The following WDR17 variants were observed in gnomAD, a reference collection of about 807,000 sequenced individuals.
WDR17 encodes the protein WD repeat-containing protein 17.
A neutral mutation model predicts 161.7 loss-of-function variants in WDR17; 143 were observed. The ratio of observed to expected loss-of-function variants is 0.88; its 90% CI spans 0.77 to 1.02. The LOEUF (loss-of-function observed/expected upper bound fraction) is 1.02. Among genes scored for constraint, WDR17 ranks in the 50% least tolerant of loss-of-function variants. The probability of loss-of-function intolerance (pLI) is 0.00; values close to 1 mark genes in which losing one functional copy is unlikely to be tolerated. For synonymous variants in WDR17, 517 were observed against 515.6 expected, an observed-to-expected ratio of 1.00 and a Z score of -0.04; for missense variants, 1,469 against 1,520.9, an observed-to-expected ratio of 0.97 and a Z score of 0.57.
rs1185576498 is a variant in WDR17 at position 176,151,921 on chromosome 4, T to G, written c.2414T>G (p.Leu805Ter). ...LKEAAEIHLRLGQIQRYCELM... is the reference protein window; with the variant it reads ...LKEAAEIHLR Reference sequence around the variant, plus strand: ...GAAGCTGCTGAAATCCACTTGAGATTAGGACAAATTCAGAGATACTGTGAA... The same window carrying G: ...GAAGCTGCTGAAATCCACTTGAGATGAGGACAAATTCAGAGATACTGTGAA... Residue 805 changes from leucine to a stop codon, truncating the protein, a stop_gained, in exon 17 of 29, where the codon TTA becomes TGA. Transcript: ENST00000508596. LOFTEE classifies it high-confidence loss of function. 1 of 1,613,230 alleles carries G rather than the reference T, an allele frequency of 6.2e-7. No individual in the cohort carries two copies. Among genetic ancestry groups the G allele is most frequent in the East Asian group, 2.2e-5 (1 of 44,802 alleles).
At chr4:176,143,952 A>C (rs534059580) in intron 11 of WDR17, among the ~76,000 whole-genome samples, 4 of 152,224 alleles carry the variant, frequency 2.6e-5, no homozygotes, top group African/African-American at 9.6e-5. Flanking sequence ...GAAAACTTTT[A>C]GCAAGCACTA....
chr4:176,140,087 A>C, intron 10 of WDR17, 113 bp downstream of exon 10: 1 of 804,730 alleles, frequency 1.2e-6, no homozygotes, highest in Non-Finnish European at 1.9e-6. Flanking sequence ...ACCAACTCTC[A>C]GAGGCGTTAT....
At chr4:176,171,460 A>G (rs1332985524) in intron 23 of WDR17, among the ~76,000 whole-genome samples, 3 of 152,168 alleles carry the variant, frequency 2.0e-5, no homozygotes, top group Non-Finnish European at 1.5e-5. Context: ...CAAACGTTAT[A>G]TATATGAGAG....
In WDR17 at chr4:176,179,637, G is replaced by C; in HGVS notation, c.*58G>C. ...TTTAAAGAAAAACTTTCATGGGTTA[G>C]CATTACCTTAATCTTTGTTGCTCAA... On this transcript the variant is annotated 3_prime_UTR_variant, in exon 29 of 29. Coordinates refer to ENST00000508596, the MANE Select transcript of WDR17 (RefSeq NM_181265.4). 2.0e-6 allele frequency: 3 copies of C among 1,467,910 alleles called. No homozygotes were observed. Among genetic ancestry groups the C allele is most frequent in the Middle Eastern group, 1.8e-4 (1 of 5,422 alleles). 90.9% of individuals were successfully genotyped at this position (1,467,910 alleles called of 1,614,324 possible). A position where few individuals can be genotyped will look rare whatever the true frequency, so the allele number is the denominator to read the frequency against.
intron 1 of WDR17, among the ~76,000 whole-genome samples, chr4:176,104,808 C>G (rs528219858): frequency 6.6e-6 from 1 of 151,806 alleles, no homozygotes; most frequent in African/African-American, 2.4e-5. Context: ...AAGACAAAAG[C>G]GTTGCAGGAA....
At chr4:176,121,304 A>G (rs1360369715) in intron 4 of WDR17, among the ~76,000 whole-genome samples, 1 of 152,190 alleles carries the variant, frequency 6.6e-6, no homozygotes, top group Non-Finnish European at 1.5e-5. Flanking sequence ...AATAGAATTC[A>G]TAGCTTTCTT....
At chr4:176,088,317 G>A (rs1319462827) in intron 1 of WDR17, among the ~76,000 whole-genome samples, 1 of 152,104 alleles carries the variant, frequency 6.6e-6, no homozygotes, top group African/African-American at 2.4e-5. Context: ...AGGGTACTGT[G>A]ATGAATGCTT....
intron 4 of WDR17, among the ~76,000 whole-genome samples, chr4:176,123,165 C>G (rs530600733): frequency 1.3e-5 from 2 of 152,230 alleles, no homozygotes; most frequent in East Asian, 3.9e-4. Flanking sequence ...ATGAATGTGC[C>G]TTAATAAAAT....
intron 18 of WDR17, among the ~76,000 whole-genome samples, chr4:176,159,475 C>G (rs1748704045): frequency 6.6e-6 from 1 of 152,122 alleles, no homozygotes; most frequent in Non-Finnish European, 1.5e-5. Flanking sequence ...TTTAATCTTC[C>G]TCACTTAAGG....
intron 23 of WDR17, among the ~76,000 whole-genome samples, chr4:176,171,779 T>C (rs1750766847): frequency 1.3e-5 from 2 of 152,076 alleles, no homozygotes; most frequent in African/African-American, 4.8e-5. Flanking sequence ...AAAGATTTTT[T>C]TTTAATGAGG....
At chr4:176,122,110 C>T (rs185749909) in intron 4 of WDR17, among the ~76,000 whole-genome samples, 129 of 152,264 alleles carry the variant, frequency 8.5e-4, no homozygotes, top group African/African-American at 3.1e-3. Context: ...CCATGCTCCC[C>T]CTGAAGGCCC....
intron 1 of WDR17, among the ~76,000 whole-genome samples, chr4:176,094,563 G>A (rs1189414084): frequency 6.6e-6 from 1 of 152,166 alleles, no homozygotes; most frequent in Non-Finnish European, 1.5e-5. Flanking sequence ...CAGGCAAAAA[G>A]CCTTGAAAAC....
intron 21 of WDR17, 82 bp from the exon 22 acceptor site, chr4:176,163,072 A>G (rs1749272842): frequency 2.6e-6 from 4 of 1,528,950 alleles, no homozygotes; most frequent in Non-Finnish European, 3.6e-6. Context: ...ATACTGCTTT[A>G]TCTGCTTTAT....
rs754723419 is a variant in WDR17 at position 176,120,113 on chromosome 4, G to A, written c.538+16G>A. The A allele has an allele frequency of 4.6e-5, 73 of 1,584,288 alleles. 2 individuals are homozygous for A. Among genetic ancestry groups the A allele is most frequent in the South Asian group, 4.1e-4 (37 of 89,980 alleles). On this transcript the variant is annotated intron_variant, in intron 4 of 28. Coordinates refer to ENST00000508596, the MANE Select transcript of WDR17 (RefSeq NM_181265.4). ...TTTCATCCAGGTAAGAATTTAATTA[G>A]CAAGGTATCTTAAATAGTATATTTT...
At chr4:176,155,896 C>T (rs1748048462) in intron 17 of WDR17, among the ~76,000 whole-genome samples, 183 bp from the exon 18 acceptor site, 2 of 151,658 alleles carry the variant, frequency 1.3e-5, no homozygotes, top group African/African-American at 2.4e-5. Flanking sequence ...AAAATTAGTG[C>T]TCTTTAAAGA....
At chr4:176,117,255 A>G (rs1392553877) in intron 3 of WDR17, among the ~76,000 whole-genome samples, 1 of 151,986 alleles carries the variant, frequency 6.6e-6, no homozygotes, top group Non-Finnish European at 1.5e-5. Context: ...TTTTCTGGTC[A>G]TATCTGTTTG....
intron 11 of WDR17, among the ~76,000 whole-genome samples, chr4:176,144,320 C>T (rs1240730483): frequency 6.6e-6 from 1 of 152,138 alleles, no homozygotes; most frequent in Non-Finnish European, 1.5e-5. Context: ...TGCATATTGG[C>T]TGTCTCACCC....
chr4:176,068,556 T>C (rs1404092278), intron 1 of WDR17, among the ~76,000 whole-genome samples: 1 of 152,066 alleles, frequency 6.6e-6, no homozygotes, highest in Non-Finnish European at 1.5e-5. Context: ...GAGCCAAGAT[T>C]GCGCCACTGC....
intron 1 of WDR17, among the ~76,000 whole-genome samples, chr4:176,110,334 G>C (rs1262237662): frequency 6.6e-6 from 1 of 151,936 alleles, no homozygotes; most frequent in Non-Finnish European, 1.5e-5. Flanking sequence ...GTAGAGACGG[G>C]GTTTCACCAT....
Sources: gnomAD v4.1 joint callset for allele counts (sites outside exome capture counted in the v4.1 genomes callset) on GRCh38, gnomAD v4.1.1 for gene constraint, MANE v1.5 for transcripts, NCBI Gene and HGNC (gene_info 2026-07-23, HGNC 2026-07-21) for gene names.